NPHP3: variants seen among roughly 807,000 people sequenced by gnomAD.
NPHP3 encodes the protein nephrocystin-3.
A neutral mutation model predicts 171.9 loss-of-function variants in NPHP3; 123 were observed. The ratio of observed to expected loss-of-function variants is 0.72; its 90% CI spans 0.62 to 0.83. NPHP3 has a LOEUF of 0.83. Ranked by LOEUF, NPHP3 falls within the 40% of genes least tolerant of loss-of-function variation. The probability of loss-of-function intolerance (pLI) is 0.00; values close to 1 mark genes in which losing one functional copy is unlikely to be tolerated. For missense variants in NPHP3, 1,506 were observed against 1,591.9 expected, an observed-to-expected ratio of 0.95 and a Z score of 0.92; for synonymous variants, 558 against 579.2, an observed-to-expected ratio of 0.96 and a Z score of 0.52.
rs377701495 is a variant in NPHP3, at chr3:132,704,388, A to G, written c.1351-17T>C. The stretch of plus-strand genomic sequence containing the variant: ...CAGTATGTCCTAAACACAAAGAACA[A>G]CCACACAAAAATGAATGAAGAAAAT... On this transcript the variant is annotated splice_polypyrimidine_tract_variant and intron_variant, in intron 8 of 26. Transcript: ENST00000337331. The G allele has an allele frequency of 6.2e-7, 1 of 1,613,918 alleles. No homozygotes were observed. Among genetic ancestry groups the G allele is most frequent in the African/African-American group, 1.3e-5 (1 of 74,932 alleles).
At chr3:132,698,808 A>ATTAATTAAT (rs1560007494) in intron 13 of NPHP3, among the ~76,000 whole-genome samples, 1 of 152,092 alleles carries the variant, frequency 6.6e-6, no homozygotes, top group Non-Finnish European at 1.5e-5. Flanking sequence ...ATGAAGCTAC[A>ATTAATTAAT]TTAATTAATT....
rs750242085 is a variant in NPHP3 at position 132,692,657 on chromosome 3, C to A, written c.2472G>T (p.Leu824=). 1 of 1,613,520 alleles carries A rather than the reference C, an allele frequency of 6.2e-7. No individual in the cohort carries two copies. Among genetic ancestry groups the A allele is most frequent in the South Asian group, 1.1e-5 (1 of 91,052 alleles). ...AAGATGCCTAAAATAACATTACCTG[C>A]AGATGTTGAAACCTAAGCAAGCCAC... ...YGCGLLRFQH[L]QAWETVRLEY... The change falls in exon 17 of 27, where the codon CTG becomes CTT. Residue 824 remains leucine, a synonymous_variant. Transcript: ENST00000337331.
chr3:132,718,731 T>A (rs1022345146), intron 3 of NPHP3, among the ~76,000 whole-genome samples: 1 of 152,170 alleles, frequency 6.6e-6, no homozygotes, highest in African/African-American at 2.4e-5. Flanking sequence ...GGGGTAGATA[T>A]CTTAGACTAG....
Position 132,680,884 on chromosome 3 carries a change from T to A in NPHP3, c.*1026A>T, listed in dbSNP as rs2107959326. ...ATCTAAGAAGGAAGATAAAGGAGAA[T>A]GTCATATCTATATTTTGGGAAAAGT... On this transcript the variant is annotated 3_prime_UTR_variant, in exon 27 of 27. Coordinates refer to ENST00000337331, the MANE Select transcript of NPHP3 (RefSeq NM_153240.5). 1 of 152,298 alleles carries A rather than the reference T, an allele frequency of 6.6e-6. No individual in the cohort carries two copies. The highest frequency in any genetic ancestry group is 2.1e-4 in the South Asian group (1 of 4,822). The allele number at this position is 152,298 out of a possible 1,614,324, so 9.4% of individuals were successfully genotyped here. A position where few individuals can be genotyped will look rare whatever the true frequency, so the allele number is the denominator to read the frequency against.
At chr3:132,687,340 A>AT in intron 21 of NPHP3, 114 bp from the exon 22 acceptor site, 1 of 598,084 alleles carries the variant, frequency 1.7e-6, no homozygotes, top group Non-Finnish European at 3.0e-6. Flanking sequence ...TAAATACAGC[A>AT]TTTTTTCTAG....
Position 132,708,295 on chromosome 3 carries a change from T to C in NPHP3, c.1119-38A>G, listed in dbSNP as rs1193981680. ...TCAGCATTTTGTGTGCTATACTGCA[T>C]TGTGGCAGCAAGCAGTTAGTTAATC... On this transcript the variant is annotated intron_variant, in intron 6 of 26. Transcript: ENST00000337331. 5.6e-6 allele frequency: 9 copies of C among 1,599,796 alleles called. No homozygotes were observed. In the East Asian group the frequency reaches 6.7e-5, roughly 12 times the overall value.
intron 11 of NPHP3, 64 bp from the exon 12 acceptor site, chr3:132,700,125 CT>C: frequency 6.4e-7 from 1 of 1,565,166 alleles, no homozygotes; most frequent in South Asian, 1.1e-5. Flanking sequence ...AGTTACAGAG[CT>C]GGGGGAAATA....
chr3:132,696,073 G>C (rs559388009), intron 15 of NPHP3, among the ~76,000 whole-genome samples: 1 of 151,924 alleles, frequency 6.6e-6, no homozygotes, highest in East Asian at 1.9e-4. Context: ...AAATATGTGT[G>C]CTAGAATTGC....
chr3:132,684,655 G>T lies in NPHP3; in HGVS notation c.3469C>A (p.Leu1157Ile). ...EKKQYDKAEE[L>I]YERALDIRRR... ...CGAATATCTAAAGCTCTTTCATAAA[G>T]TTCTTCTGCTTTATCATACTGTTTC... The change falls in exon 24 of 27, where the codon CTT becomes ATT. Residue 1157 changes from leucine (L) to isoleucine (I), a missense_variant. Physicochemically the swap from Leu to Ile is conservative, Grantham distance 5. This residue lies in a region of NPHP3 where 569 missense variants were observed against 648.1 expected (regional missense o/e 0.88). Coordinates refer to ENST00000337331, the MANE Select transcript of NPHP3 (RefSeq NM_153240.5). 1 of 1,614,068 alleles carries T rather than the reference G, an allele frequency of 6.2e-7. No homozygotes were observed. The highest frequency in any genetic ancestry group is 1.6e-4 in the Middle Eastern group (1 of 6,062).
At chr3:132,698,116 G>C (rs1245525948) in intron 13 of NPHP3, among the ~76,000 whole-genome samples, 1 of 151,878 alleles carries the variant, frequency 6.6e-6, no homozygotes, top group Non-Finnish European at 1.5e-5. Flanking sequence ...CAAGTAGCTA[G>C]GATTACAGGC....
intron 5 of NPHP3, among the ~76,000 whole-genome samples, chr3:132,714,759 A>C (rs1443834421): frequency 1.3e-5 from 2 of 152,158 alleles, no homozygotes; most frequent in East Asian, 1.9e-4. Context: ...CAAACAAAAA[A>C]AAGTCCAGAA....
In NPHP3 at chr3:132,715,150, T is replaced by C; in HGVS notation, c.892A>G (p.Asn298Asp). Residue 298 changes from asparagine to aspartate, a missense_variant, in exon 5 of 27, where the codon AAC (asparagine) becomes GAC (aspartate). Coordinates refer to ENST00000337331, the MANE Select transcript of NPHP3 (RefSeq NM_153240.5). ...TPLFSHSLWS[N>D]TVRCYLIYTD... ...TAAATGAGGTAACATCTGACAGTGT[T>C]ACTCCACAGAGAATGTGAAAACAGA... 6.2e-7 allele frequency: 1 copy of C among 1,610,658 alleles called. No homozygotes were observed. Among genetic ancestry groups the C allele is most frequent in the South Asian group, 1.1e-5 (1 of 91,000 alleles).
At chr3:132,707,860 T>TA (rs1165585580) in intron 7 of NPHP3, among the ~76,000 whole-genome samples, 1 of 152,100 alleles carries the variant, frequency 6.6e-6, no homozygotes, top group Non-Finnish European at 1.5e-5. Context: ...TTCTGTTGCT[T>TA]ATAGTCCTGC....
chr3:132,694,726 A>T, intron 16 of NPHP3, 101 bp downstream of exon 16: 1 of 1,404,504 alleles, frequency 7.1e-7, no homozygotes, highest in Non-Finnish European at 9.9e-7. Context: ...ATATGCCTGA[A>T]ACATATTTAA....
intron 19 of NPHP3, among the ~76,000 whole-genome samples, chr3:132,690,053 G>C (rs1188034804): frequency 6.6e-6 from 1 of 152,094 alleles, no homozygotes; most frequent in African/African-American, 2.4e-5. Flanking sequence ...TATCAAAAGA[G>C]ACAAACAGAA....
intron 9 of NPHP3, among the ~76,000 whole-genome samples, chr3:132,701,937 A>T (rs1365266402): frequency 6.6e-6 from 1 of 152,164 alleles, no homozygotes; most frequent in Non-Finnish European, 1.5e-5. Context: ...GAGGCAAGAG[A>T]ATGGCGTGAA....
chr3:132,700,464 A>G lies in NPHP3; in HGVS notation c.1629-16T>C. 6.7e-7 allele frequency: 1 copy of G among 1,494,678 alleles called. No individual in the cohort carries two copies. Among genetic ancestry groups the G allele is most frequent in the Non-Finnish European group, 9.3e-7 (1 of 1,075,944 alleles). 92.6% of individuals were successfully genotyped at this position (1,494,678 alleles called of 1,614,324 possible). ...TAATTGAATCCTGAAAGAAAAAGAC[A>G]GAACTTTTATAAAACCGATAAAGTT... On this transcript the variant is annotated splice_polypyrimidine_tract_variant and intron_variant, in intron 10 of 26. Transcript: ENST00000337331.
At chr3:132,696,359 T>C (rs998172471) in intron 15 of NPHP3, among the ~76,000 whole-genome samples, 4 of 152,226 alleles carry the variant, frequency 2.6e-5, no homozygotes, top group African/African-American at 9.6e-5. Flanking sequence ...CAGAGACAAT[T>C]AAAAATTCAT....
At chr3:132,695,451 GA>G (rs1939429593) in intron 15 of NPHP3, among the ~76,000 whole-genome samples, 1 of 151,896 alleles carries the variant, frequency 6.6e-6, no homozygotes, top group Non-Finnish European at 1.5e-5. Context: ...TGTACAAAGA[GA>G]AAAAACAAAG....
Sources: gnomAD v4.1 joint callset for allele counts (sites outside exome capture counted in the v4.1 genomes callset) on GRCh38, gnomAD v4.1.1 for gene constraint, gnomAD v4.1.1 regional missense constraint, MANE v1.5 for transcripts, NCBI Gene and HGNC (gene_info 2026-07-23, HGNC 2026-07-21) for gene names.